GLIS1: variants seen among roughly 807,000 people sequenced by gnomAD.
The protein encoded by GLIS1 is GLIS family zinc finger 1.
A neutral mutation model predicts 63.8 loss-of-function variants in GLIS1; 24 were observed. That is an observed-to-expected ratio of 0.38 (90% CI 0.27 to 0.53). The LOEUF is 0.53. GLIS1 is among the 20% of genes least tolerant of loss of function. The pLI, the probability that GLIS1 is intolerant of heterozygous loss-of-function variation, is 0.85. For missense variants in GLIS1, 1,036 were observed against 1,074.1 expected (o/e 0.96, Z 0.50); for synonymous variants, 450 against 482.5 (o/e 0.93, Z 0.88).
chr1:53,663,526 C>T (rs1037570347), intron 2 of GLIS1, among the ~76,000 whole-genome samples: 9 of 152,242 alleles, frequency 5.9e-5, no homozygotes, highest in Admixed American at 3.9e-4. Context: ...AGCTGGGGCA[C>T]CCTCCTCTAG....
At position 53,539,192 on chromosome 1, in the gene GLIS1, C is replaced by T. The variant is rs1385285499; in HGVS notation, c.1321-9240G>A. ...TGATGTGAACACCTCTCCCTCCAAC[C>T]AAGCCACACGTCGGAGACAGCCCCA... On this transcript the variant is annotated intron_variant, in intron 4 of 10. Transcript: ENST00000628545. This position sits in a 1 kb window ranked among gnomAD's most constrained non-coding sequence, Gnocchi z 5.0. Among the ~76,000 whole-genome samples the T allele has an allele frequency of 6.6e-6, 1 of 151,854 alleles. No homozygotes were observed. The highest frequency in any genetic ancestry group is 1.5e-5 in the Non-Finnish European group (1 of 67,946).
chr1:53,644,243 G>A (rs964605237), intron 2 of GLIS1, among the ~76,000 whole-genome samples: 17 of 152,096 alleles, frequency 1.1e-4, no homozygotes, highest in African/African-American at 2.7e-4. Flanking sequence ...AGCCTCTGAC[G>A]GCCCAGCTAA....
chr1:53,615,400 A>T (rs1309486658), intron 2 of GLIS1, among the ~76,000 whole-genome samples: 1 of 152,160 alleles, frequency 6.6e-6, no homozygotes, highest in Non-Finnish European at 1.5e-5. Context: ...CTACCCTGTG[A>T]AAGGCTGCAC....
intron 1 of GLIS1, among the ~76,000 whole-genome samples, 127 bp downstream of exon 1, chr1:53,738,978 C>T (rs557535593): frequency 3.9e-5 from 6 of 152,294 alleles, no homozygotes; most frequent in Admixed American, 3.9e-4. Context: ...CCCAAACTCT[C>T]CGTTCCCCTC....
At chr1:53,593,843 C>T (rs1042882170) in intron 4 of GLIS1, among the ~76,000 whole-genome samples, 3 of 152,194 alleles carry the variant, frequency 2.0e-5, no homozygotes, top group Admixed American at 6.5e-5. Context: ...GGCCCTGTGG[C>T]GTGCTAAGAT....
chr1:53,569,196 T>C (rs1949943), intron 4 of GLIS1, among the ~76,000 whole-genome samples: 57,783 of 152,072 alleles, frequency 0.38, 12,820 homozygotes, highest in African/African-American at 0.61. Context: ...GCAGAAAAAC[T>C]ATTGTGTGTG....
intron 2 of GLIS1, among the ~76,000 whole-genome samples, chr1:53,609,713 T>A (rs565143393): frequency 1.7e-4 from 26 of 152,368 alleles, no homozygotes; most frequent in African/African-American, 5.5e-4. Context: ...ATCAGTACAG[T>A]CATGCATCAA....
chr1:53,510,284 G>T (rs1404285761), intron 8 of GLIS1, among the ~76,000 whole-genome samples: 1 of 152,234 alleles, frequency 6.6e-6, no homozygotes, highest in Non-Finnish European at 1.5e-5. Flanking sequence ...CTTTCCAGCT[G>T]AGAGAACTGT....
chr1:53,699,817 T>C (rs1328179176), intron 2 of GLIS1, among the ~76,000 whole-genome samples: 1 of 152,176 alleles, frequency 6.6e-6, no homozygotes, highest in Non-Finnish European at 1.5e-5. Flanking sequence ...AGCTCTCTCA[T>C]GTCTCTTCTT....
chr1:53,698,084 C>T (rs1419251657), intron 2 of GLIS1, among the ~76,000 whole-genome samples: 1 of 149,842 alleles, frequency 6.7e-6, no homozygotes, highest in Non-Finnish European at 1.5e-5. Context: ...ACCCCACCCA[C>T]CCCAATGCCC....
At chr1:53,619,206 G>A (rs1645515416) in intron 2 of GLIS1, among the ~76,000 whole-genome samples, 1 of 152,194 alleles carries the variant, frequency 6.6e-6, no homozygotes, top group Non-Finnish European at 1.5e-5. Context: ...GGGCCAAAGA[G>A]AACACCCATC....
intron 4 of GLIS1, among the ~76,000 whole-genome samples, chr1:53,544,964 G>C (rs952062521): frequency 6.6e-6 from 1 of 152,142 alleles, no homozygotes; most frequent in African/African-American, 2.4e-5. Context: ...CACCAAGGCA[G>C]CCCAGAGAGG....
At chr1:53,631,372 GTTATT>G (rs1645650241) in intron 2 of GLIS1, among the ~76,000 whole-genome samples, 2 of 152,140 alleles carry the variant, frequency 1.3e-5, no homozygotes, top group South Asian at 4.1e-4. Context: ...CCCCATCTGT[GTTATT>G]TTAAGATCCC....
intron 2 of GLIS1, among the ~76,000 whole-genome samples, chr1:53,614,419 G>A (rs1373669220): frequency 1.3e-5 from 2 of 152,120 alleles, no homozygotes; most frequent in Non-Finnish European, 2.9e-5. Context: ...GCTGGAGTGC[G>A]TTCCAGGGCG....
At chr1:53,737,014 T>C (rs1646919043) in intron 2 of GLIS1, among the ~76,000 whole-genome samples, 1 of 152,040 alleles carries the variant, frequency 6.6e-6, no homozygotes, top group South Asian at 2.1e-4. Context: ...GGACACAGCA[T>C]CTTAACAATT....
intron 2 of GLIS1, among the ~76,000 whole-genome samples, chr1:53,610,421 C>G (rs1184069861): frequency 6.6e-6 from 1 of 152,180 alleles, no homozygotes; most frequent in Non-Finnish European, 1.5e-5. Flanking sequence ...TATTTCATTA[C>G]TTCTGAAGAA....
chr1:53,584,705 C>T (rs561523465), intron 4 of GLIS1, among the ~76,000 whole-genome samples: 1 of 152,292 alleles, frequency 6.6e-6, no homozygotes, highest in East Asian at 1.9e-4. Context: ...AGAAGGGCCT[C>T]TTCTCCTCAG....
intron 2 of GLIS1, among the ~76,000 whole-genome samples, chr1:53,664,284 A>G: frequency 6.6e-6 from 1 of 151,954 alleles, no homozygotes; most frequent in East Asian, 1.9e-4. Context: ...TGCCTCCCAC[A>G]CACCCCCTCC....
At chr1:53,698,978 C>T (rs1444605172) in intron 2 of GLIS1, among the ~76,000 whole-genome samples, 1 of 152,202 alleles carries the variant, frequency 6.6e-6, no homozygotes, top group Non-Finnish European at 1.5e-5. Flanking sequence ...CCAAGAGTAA[C>T]AGTGCATGCC....
Sources: gnomAD v4.1 joint callset for allele counts (sites outside exome capture counted in the v4.1 genomes callset) on GRCh38, gnomAD v4.1.1 for gene constraint, Gnocchi (gnomAD v3.1) non-coding constraint, MANE v1.5 for transcripts, NCBI Gene and HGNC (gene_info 2026-07-23, HGNC 2026-07-21) for gene names.